The following RNF220 variants were observed in gnomAD, a reference collection of about 807,000 sequenced individuals.
RNF220 encodes the protein ring finger protein 220, also known as E3 ubiquitin-protein ligase RNF220.
RNF220 carries 7 observed loss-of-function variants against 67.1 expected under a neutral mutation model. That is an observed-to-expected ratio of 0.10 (90% CI 0.06 to 0.20). RNF220 has a LOEUF of 0.20. Ranked by LOEUF, RNF220 falls within the 10% of genes least tolerant of loss-of-function variation. The pLI, the probability that RNF220 is intolerant of heterozygous loss-of-function variation, is 1.00. For missense variants in RNF220, 565 were observed against 740.3 expected (o/e 0.76, Z 2.75); for synonymous variants, 270 against 283.2 (o/e 0.95, Z 0.47).
intron 2 of RNF220, among the ~76,000 whole-genome samples, chr1:44,429,247 G>A (rs1244804324): frequency 6.6e-6 from 1 of 151,866 alleles, no homozygotes; most frequent in African/African-American, 2.4e-5. Flanking sequence ...TCCAGGTATG[G>A]AATGTAGAAA....
At chr1:44,541,553 C>T (rs1011146543) in intron 2 of RNF220, among the ~76,000 whole-genome samples, 2 of 152,278 alleles carry the variant, frequency 1.3e-5, no homozygotes, top group African/African-American at 2.4e-5. Flanking sequence ...TAAACTGGAT[C>T]ATGCTATCTC....
chr1:44,644,274 C>G (rs1451873899), intron 8 of RNF220: 2 of 168,728 alleles, frequency 1.2e-5, no homozygotes, highest in Non-Finnish European at 2.6e-5. Flanking sequence ...AGCCTGTTCT[C>G]TCCTCTGATG....
chr1:44,572,233 A>G (rs935254096), intron 2 of RNF220, among the ~76,000 whole-genome samples: 5 of 152,244 alleles, frequency 3.3e-5, no homozygotes, highest in Admixed American at 6.5e-5. Context: ...GTGGCATTTT[A>G]AAACATAGCT....
chr1:44,600,383 C>A lies in RNF220; in HGVS notation c.626-13782C>A, dbSNP rs1310278981. Reference sequence around the variant, plus strand: ...TGATGACAAGGGCAATAGCTAACATCAGAGGCAGCAGAATAGCGTGACTAA... The same window carrying A: ...TGATGACAAGGGCAATAGCTAACATAAGAGGCAGCAGAATAGCGTGACTAA... On this transcript the variant is annotated intron_variant, in intron 2 of 14. Coordinates refer to ENST00000361799, the MANE Select transcript of RNF220 (RefSeq NM_018150.4). This position sits in a 1 kb window ranked among gnomAD's most constrained non-coding sequence, Gnocchi z 4.0. Among the ~76,000 whole-genome samples, 1 of 152,176 alleles carries A rather than the reference C, an allele frequency of 6.6e-6. No homozygotes were observed. Among genetic ancestry groups the A allele is most frequent in the Non-Finnish European group, 1.5e-5 (1 of 68,028 alleles).
chr1:44,597,494 AC>A (rs1181064350), intron 2 of RNF220, among the ~76,000 whole-genome samples: 2 of 150,636 alleles, frequency 1.3e-5, no homozygotes, highest in African/African-American at 4.9e-5. Flanking sequence ...ACACACACAC[AC>A]ACACACACAC....
At chr1:44,632,439 C>CCCTACCCCCGGCCT in intron 6 of RNF220, 54 bp downstream of exon 6, 1 of 1,504,806 alleles carries the variant, frequency 6.6e-7, no homozygotes, top group Non-Finnish European at 9.0e-7. Flanking sequence ...CTCCCTCCCT[C>CCCTACCCCCGGCCT]CCTCACTGCC....
At chr1:44,463,666 G>A (rs866373012) in intron 2 of RNF220, among the ~76,000 whole-genome samples, 18 of 151,964 alleles carry the variant, frequency 1.2e-4, no homozygotes, top group South Asian at 6.2e-4. Context: ...ATATCATCTC[G>A]AGTCCAAACT....
chr1:44,472,849 G>T (rs571959081), intron 2 of RNF220, among the ~76,000 whole-genome samples: 1 of 152,290 alleles, frequency 6.6e-6, no homozygotes, highest in Non-Finnish European at 1.5e-5. Flanking sequence ...GGCCAGCAGG[G>T]TGACGGGATG....
intron 2 of RNF220, among the ~76,000 whole-genome samples, chr1:44,603,202 C>T (rs1573010566): frequency 1.3e-5 from 2 of 152,226 alleles, no homozygotes; most frequent in Admixed American, 6.5e-5. Flanking sequence ...TTATTTTAGG[C>T]GTTATCTGGC....
chr1:44,412,764 C>A lies in RNF220; in HGVS notation c.625+42C>A. ...CAGCCCTCCCTTACCCCCAGTAAGC[C>A]CTGCCTCACCGTGATGTTCAACAGG... On this transcript the variant is annotated intron_variant, in intron 2 of 14. Transcript: ENST00000361799. The surrounding 1 kb of genome is among the most constrained non-coding windows in gnomAD (Gnocchi z 5.3). 2 of 1,578,742 alleles carry A rather than the reference C, an allele frequency of 1.3e-6. No homozygotes were observed. The highest frequency in any genetic ancestry group is 2.7e-5 in the African/African-American group (2 of 74,212).
chr1:44,633,134 C>T (rs1573132471), intron 6 of RNF220, among the ~76,000 whole-genome samples: 1 of 152,302 alleles, frequency 6.6e-6, no homozygotes. Context: ...TCAAGATCCC[C>T]AGCTCTTATC....
intron 2 of RNF220, among the ~76,000 whole-genome samples, chr1:44,519,426 G>A (rs959673316): frequency 1.3e-5 from 2 of 152,200 alleles, no homozygotes; most frequent in Non-Finnish European, 2.9e-5. Flanking sequence ...TGTGTGTGGG[G>A]CCTCAGAAGC....
chr1:44,580,604 C>T (rs1046244343), intron 2 of RNF220, among the ~76,000 whole-genome samples: 7 of 152,200 alleles, frequency 4.6e-5, no homozygotes, highest in Non-Finnish European at 7.3e-5. Flanking sequence ...GCAGCAAAGC[C>T]GCCTGAGGAT....
intron 2 of RNF220, among the ~76,000 whole-genome samples, chr1:44,598,834 C>G (rs1365786724): frequency 2.6e-5 from 4 of 152,172 alleles, no homozygotes; most frequent in African/African-American, 7.2e-5. Context: ...CCCTTTGACA[C>G]CCTTAGGGCC....
intron 2 of RNF220, among the ~76,000 whole-genome samples, chr1:44,510,748 C>T (rs1228104142): frequency 1.3e-5 from 2 of 152,182 alleles, no homozygotes; most frequent in East Asian, 3.9e-4. Context: ...TCGTTACGCA[C>T]TGTGAGCACA....
At chr1:44,548,174 C>T (rs1054686081) in intron 2 of RNF220, among the ~76,000 whole-genome samples, 2 of 152,114 alleles carry the variant, frequency 1.3e-5, no homozygotes, top group Non-Finnish European at 2.9e-5. Flanking sequence ...TATCTCTAGC[C>T]CCTGCTACTG....
intron 2 of RNF220, among the ~76,000 whole-genome samples, chr1:44,523,185 C>T (rs1660075570): frequency 6.6e-6 from 1 of 152,182 alleles, no homozygotes; most frequent in South Asian, 2.1e-4. Flanking sequence ...ACATCCTGCC[C>T]ACTGCCACAT....
chr1:44,405,954 C>T lies in RNF220; in HGVS notation c.-118+424C>T, dbSNP rs534507919. Among the ~76,000 whole-genome samples, 4 of 152,348 alleles carry T rather than the reference C, an allele frequency of 2.6e-5. No homozygotes were observed. The South Asian group carries it at 8.3e-4, about 32-fold the overall frequency. On this transcript the variant is annotated intron_variant, in intron 1 of 14. Coordinates refer to ENST00000361799, the MANE Select transcript of RNF220 (RefSeq NM_018150.4). ...TTGTTCGGGTCGATATCGAGAATGC[C>T]TTCTCGCCGGGCTCTCTGGTGCACC...
Position 44,525,358 on chromosome 1 carries a change from C to T in RNF220, c.626-88807C>T, listed in dbSNP as rs540375204. ...CCTGTGGAAGAGGCAGCGTCCTGCA[C>T]GCCTAGCACAGCGCTCAGGGCTCAG... On this transcript the variant is annotated intron_variant, in intron 2 of 14. Transcript: ENST00000361799. Among the ~76,000 whole-genome samples the T allele has an allele frequency of 1.9e-4, 29 of 152,306 alleles. No individual in the cohort carries two copies. The South Asian group carries it at 3.7e-3, about 20-fold the overall frequency.
Sources: gnomAD v4.1 joint callset for allele counts (sites outside exome capture counted in the v4.1 genomes callset) on GRCh38, gnomAD v4.1.1 for gene constraint, Gnocchi (gnomAD v3.1) non-coding constraint, MANE v1.5 for transcripts, NCBI Gene and HGNC (gene_info 2026-07-23, HGNC 2026-07-21) for gene names.